Variants in ADGRE5 observed in about 807,000 individuals in gnomAD.
ADGRE5 encodes CD97 molecule.
A neutral mutation model predicts 100.3 loss-of-function variants in ADGRE5; 72 were observed. The observed-to-expected ratio is 0.72, with a 90% confidence interval of 0.59 to 0.87. The LOEUF (loss-of-function observed/expected upper bound fraction) is 0.87, where lower values mean the gene tolerates loss of function less well. Ranked by LOEUF, ADGRE5 falls within the 40% of genes least tolerant of loss-of-function variation. The pLI, the probability that ADGRE5 is intolerant of heterozygous loss-of-function variation, is 0.00. For synonymous variants in ADGRE5, 439 were observed against 447.8 expected, an observed-to-expected ratio of 0.98 and a Z score of 0.25; for missense variants, 959 against 1,094.7, an observed-to-expected ratio of 0.88 and a Z score of 1.75.
At chr19:14,404,932 T>C (rs568208720) in intron 13 of ADGRE5, 1 of 239,472 alleles carries the variant, frequency 4.2e-6, no homozygotes, top group Non-Finnish European at 8.1e-6. Context: ...CAATCTCAGC[T>C]AGTGAGGTTC....
rs1238565504 is a variant in ADGRE5, at chr19:14,406,932, C to T, written c.2179C>T (p.Pro727Ser). Reference sequence around the variant, plus strand: ...CACTCAGAAGTTTTCTGAAATCAATCCAGACATGAAGAAATTAAAGAAGGC... The same window carrying T: ...CACTCAGAAGTTTTCTGAAATCAATTCAGACATGAAGAAATTAAAGAAGGC... ...KLTQKFSEIN[P>S]DMKKLKKARA... The change falls in exon 17 of 20, where the codon CCA becomes TCA. Residue 727 changes from proline to serine, a missense_variant. By Grantham distance (74) the Pro-to-Ser change is moderately conservative. Coordinates refer to ENST00000242786, the MANE Select transcript of ADGRE5 (RefSeq NM_078481.4). The surrounding 1 kb of genome is among the most constrained non-coding windows in gnomAD (Gnocchi z 6.0). The T allele has an allele frequency of 6.2e-7, 1 of 1,614,108 alleles. No individual in the cohort carries two copies.
chr19:14,388,814 T>C lies in ADGRE5; in HGVS notation c.186T>C (p.Cys62=), dbSNP rs1297411562. The change falls in exon 3 of 20, where the codon TGT becomes TGC. Residue 62 remains cysteine, a synonymous_variant. Coordinates refer to ENST00000242786, the MANE Select transcript of ADGRE5 (RefSeq NM_078481.4). ...SEIITTPTET[C]DDINECATPS... is the part of the protein sequence containing the mutation. ...TCATCACCACCCCGACGGAGACTTG[T>C]GACGGTACAGAGGCTTGAGGGCAGC... is the stretch of plus-strand genomic sequence containing the variant. The C allele has an allele frequency of 3.7e-6, 6 of 1,613,178 alleles. No individual in the cohort carries two copies. The Admixed American group carries it at 5.0e-5, about 13-fold the overall frequency.
chr19:14,396,206 G>T (rs1392365337), intron 4 of ADGRE5, 136 bp from the exon 5 acceptor site: 1 of 1,515,412 alleles, frequency 6.6e-7, no homozygotes, highest in Non-Finnish European at 9.0e-7. Flanking sequence ...ACCATAGGAT[G>T]CCTCTGTGTG....
chr19:14,399,742 T>TAAAAAAAAA (rs201012165), intron 9 of ADGRE5, among the ~76,000 whole-genome samples: 1 of 140,570 alleles, frequency 7.1e-6, no homozygotes, highest in Non-Finnish European at 1.6e-5. Flanking sequence ...GATTTTGTCT[T>TAAAAAAAAA]AAAAAAAAAA....
At chr19:14,398,022 C>T (rs758160944) in intron 8 of ADGRE5, 40 bp from the exon 9 acceptor site, 54 of 1,598,330 alleles carry the variant, frequency 3.4e-5, no homozygotes, top group South Asian at 3.2e-4. Flanking sequence ...TCCCACCCGC[C>T]GTCCAGGCTC....
At chr19:14,392,096 T>C (rs1599617947) in intron 4 of ADGRE5, among the ~76,000 whole-genome samples, 1 of 104,058 alleles carries the variant, frequency 9.6e-6, no homozygotes, top group African/African-American at 3.9e-5. Flanking sequence ...AGAGTGAGAC[T>C]CTGTCTGAAA....
In ADGRE5 at chr19:14,407,056, C is replaced by T; in HGVS notation, c.2208-5C>T. The T allele has an allele frequency of 1.2e-6, 2 of 1,614,008 alleles. No individual in the cohort carries two copies. The highest frequency in any genetic ancestry group is 1.6e-4 in the Middle Eastern group (1 of 6,062). ...GGGCCCACGCTGCAACCCCGCTCCT[C>T]GCAGGGCGCTGACCATCACGGCCAT... On this transcript the variant is annotated splice_polypyrimidine_tract_variant and splice_region_variant and intron_variant, in intron 17 of 19. Coordinates refer to ENST00000242786, the MANE Select transcript of ADGRE5 (RefSeq NM_078481.4).
chr19:14,401,602 G>T lies in ADGRE5; in HGVS notation c.1075+39G>T. On this transcript the variant is annotated intron_variant, in intron 10 of 19. Coordinates refer to ENST00000242786, the MANE Select transcript of ADGRE5 (RefSeq NM_078481.4). This position sits in a 1 kb window ranked among gnomAD's most constrained non-coding sequence, Gnocchi z 4.1. The stretch of plus-strand genomic sequence containing the variant: ...CTGGCCTGCCCTGCCCCAACCCTGG[G>T]CCCCACCTGGTACCTGGGGTCCCTA... 6.2e-7 allele frequency: 1 copy of T among 1,605,668 alleles called. No individual in the cohort carries two copies. The highest frequency in any genetic ancestry group is 8.5e-7 in the Non-Finnish European group (1 of 1,174,400).
At chr19:14,404,859 C>A in intron 13 of ADGRE5, 3 of 355,506 alleles carry the variant, frequency 8.4e-6, no homozygotes, top group East Asian at 1.2e-4. Context: ...GGGGGCACCA[C>A]TTGCCCGTTT....
At position 14,402,630 on chromosome 19, in the gene ADGRE5, A is replaced by G; in HGVS notation, c.1217A>G (p.Asn406Ser). The G allele has an allele frequency of 6.2e-7, 1 of 1,614,130 alleles. No individual in the cohort carries two copies. Among genetic ancestry groups the G allele is most frequent in the African/African-American group, 1.3e-5 (1 of 75,034 alleles). The change falls in exon 12 of 20, where the codon AAC (asparagine) becomes AGC (serine). Residue 406 changes from asparagine to serine, a missense_variant. Asn to Ser is a conservative substitution (Grantham distance 46). Coordinates refer to ENST00000242786, the MANE Select transcript of ADGRE5 (RefSeq NM_078481.4). ...PAVAGILSIQNMTTLLANASL... is the reference protein window; with the variant it reads ...PAVAGILSIQSMTTLLANASL... Reference sequence around the variant, plus strand: ...GTGGCGGGCATCCTCTCCATCCAGAACATGACGACATTGCTGGCCAATGCC... The same window carrying G: ...GTGGCGGGCATCCTCTCCATCCAGAGCATGACGACATTGCTGGCCAATGCC...
At chr19:14,405,681 G>C (rs1466045625) in intron 13 of ADGRE5, 67 bp from the exon 14 acceptor site, 2 of 1,210,224 alleles carry the variant, frequency 1.7e-6, no homozygotes, top group African/African-American at 1.5e-5. Flanking sequence ...GGGGGAAAAG[G>C]GACCACAAAG....
chr19:14,396,646 C>A (rs1366330085), intron 5 of ADGRE5, among the ~76,000 whole-genome samples, 173 bp downstream of exon 5: 1 of 152,250 alleles, frequency 6.6e-6, no homozygotes, highest in African/African-American at 2.4e-5. Context: ...TGCCACACGG[C>A]AGGGAGGCGG....
Position 14,402,730 on chromosome 19 carries a change from C to G in ADGRE5, c.1317C>G (p.Leu439=). 1.9e-6 allele frequency: 3 copies of G among 1,614,180 alleles called. No homozygotes were observed. The highest frequency in any genetic ancestry group is 2.5e-6 in the Non-Finnish European group (3 of 1,180,034). Residue 439 remains leucine (L), a synonymous_variant, in exon 12 of 20, where the codon CTC becomes CTG. Coordinates refer to ENST00000242786, the MANE Select transcript of ADGRE5 (RefSeq NM_078481.4). The part of the protein sequence containing the change: ...IYESSIRGVQ[L]RRLSAVNSIF... ...AAAGCAGCATCCGTGGTGTCCAACT[C>G]AGACGCCTCTCTGCCGTCAACTCCA...
chr19:14,388,619 C>T (rs1005430969), intron 2 of ADGRE5, 83 bp from the exon 3 acceptor site: 20 of 1,607,862 alleles, frequency 1.2e-5, no homozygotes, highest in African/African-American at 2.7e-5. Context: ...AGAAACTCAG[C>T]GCCCTGCCCC....
rs1291119777 is a variant in ADGRE5, at chr19:14,398,462, G to A, written c.897+323G>A. ...AGGTGGGCAGATCACGCGGTCAGGAGATCGAGACCATTCTGGCTAACATGG... is the reference window on the plus strand; with the variant it reads ...AGGTGGGCAGATCACGCGGTCAGGAAATCGAGACCATTCTGGCTAACATGG... On this transcript the variant is annotated intron_variant, in intron 9 of 19. Coordinates refer to ENST00000242786, the MANE Select transcript of ADGRE5 (RefSeq NM_078481.4). 29 of 291,076 alleles carry A rather than the reference G, an allele frequency of 1.0e-4. No homozygotes were observed. The Admixed American group carries it at 1.3e-3, about 14-fold the overall frequency. The allele number at this position is 291,076 out of a possible 1,614,324, so 18.0% of individuals were successfully genotyped here. A position where few individuals can be genotyped will look rare whatever the true frequency, so the allele number is the denominator to read the frequency against.
chr19:14,389,629 G>A (rs1402571017), intron 3 of ADGRE5, among the ~76,000 whole-genome samples: 1 of 151,010 alleles, frequency 6.6e-6, no homozygotes, highest in Non-Finnish European at 1.5e-5. Flanking sequence ...CCAGCTACTC[G>A]GGAGGCTGAG....
intron 13 of ADGRE5, 136 bp downstream of exon 13, chr19:14,404,698 C>T (rs73517819): frequency 0.034 from 26,474 of 775,988 alleles, 698 homozygotes; most frequent in African/African-American, 0.099. Flanking sequence ...GGTGTCCCCA[C>T]GTCACACCCT....
At chr19:14,386,865 A>G (rs983236950) in intron 1 of ADGRE5, among the ~76,000 whole-genome samples, 2 of 151,314 alleles carry the variant, frequency 1.3e-5, no homozygotes, top group African/African-American at 4.9e-5. Flanking sequence ...ATACAAAAAA[A>G]TCAGCCGGGC....
intron 1 of ADGRE5, among the ~76,000 whole-genome samples, chr19:14,384,654 C>T (rs1412602155): frequency 6.6e-6 from 1 of 150,754 alleles, no homozygotes; most frequent in East Asian, 2.0e-4. Context: ...TTTCCATCCA[C>T]CCTCCTTTCT....
Sources: allele counts gnomAD v4.1 joint callset (sites outside exome capture counted in the v4.1 genomes callset), GRCh38; gene constraint gnomAD v4.1.1; non-coding constraint Gnocchi (gnomAD v3.1); transcripts MANE v1.5; gene names NCBI Gene and HGNC (gene_info 2026-07-23, HGNC 2026-07-21).